Variants in FANCA observed in about 807,000 individuals in gnomAD.
FANCA encodes the protein Fanconi anemia group A protein.
A neutral mutation model predicts 194.3 loss-of-function variants in FANCA; 236 were observed. That is an observed-to-expected ratio of 1.21 (90% CI 1.09 to 1.35). The LOEUF (loss-of-function observed/expected upper bound fraction) is 1.35, where lower values mean the gene tolerates loss of function less well. FANCA is among the 40% of genes most tolerant of loss of function. The pLI is 0.00. For synonymous variants in FANCA, 1,014 were observed against 715.8 expected, an observed-to-expected ratio of 1.42 and a Z score of -6.65; for missense variants, 2,628 against 1,813.9, an observed-to-expected ratio of 1.45 and a Z score of -8.15.
In FANCA at chr16:89,738,884, C is replaced by G; in HGVS notation, c.4258G>C (p.Glu1420Gln). 6.2e-7 allele frequency: 1 copy of G among 1,614,264 alleles called. No homozygotes were observed. The highest frequency in any genetic ancestry group is 8.5e-7 in the Non-Finnish European group (1 of 1,180,054). ...CPKKSFSHVA[E>Q]LLADRGDCDP... ...CAAGGTGGGCATCTTGACGTTACCT[C>G]TGCCACGTGTGAGAAGCTCTTTTTC... The change falls in exon 42 of 43, where the codon GAG (glutamate) becomes CAG (glutamine). Residue 1420 changes from glutamate to glutamine, a missense_variant and splice_region_variant. Transcript: ENST00000389301.
chr16:89,761,979 G>A lies in FANCA; in HGVS notation c.2822C>T (p.Pro941Leu), dbSNP rs746735743. The A allele has an allele frequency of 6.2e-7, 1 of 1,614,054 alleles. No homozygotes were observed. Among genetic ancestry groups the A allele is most frequent in the South Asian group, 1.1e-5 (1 of 91,084 alleles). Residue 941 changes from proline (P) to leucine (L), a missense_variant, in exon 29 of 43, where the codon CCT becomes CTT. Transcript: ENST00000389301. ...AGTATCTGAAAGAGCATCAGCTTCA[G>A]GTTGAATTTCCAGCTCCAGGTGTAA... is the stretch of plus-strand genomic sequence containing the variant. ...DWLHLELEIQPEADALSDTER... is the reference protein window; with the variant it reads ...DWLHLELEIQLEADALSDTER...
At position 89,771,781 on chromosome 16, in the gene FANCA, C is replaced by G. The variant is rs770675462; in HGVS notation, c.2048G>C (p.Arg683Thr). The G allele has an allele frequency of 6.2e-7, 1 of 1,614,046 alleles. No individual in the cohort carries two copies. Among genetic ancestry groups the G allele is most frequent in the Non-Finnish European group, 8.5e-7 (1 of 1,180,036 alleles). ...ATTGTGGCCCAGGACAGCCCTCAGT[C>G]TTTCAGAAATCACTGCCACCTGTGC... ...ISAQVAVISE[R>T]LRAVLGHNED... Residue 683 changes from arginine to threonine, a missense_variant, in exon 23 of 43, where the codon AGA (arginine) becomes ACA (threonine). Transcript: ENST00000389301.
chr16:89,767,145 T>A lies in FANCA; in HGVS notation c.2597A>T (p.Lys866Ile), dbSNP rs1325364532. Reference sequence around the variant, plus strand: ...ATAGGAAAAGAGTGAACCTACCTTTTTAATAAGGCCTGGAGATAAGCAGCT... The same window carrying A: ...ATAGGAAAAGAGTGAACCTACCTTTATAATAAGGCCTGGAGATAAGCAGCT... ...LCSCLSPGLIKKFQFLMFRLF... is the reference protein window; with the variant it reads ...LCSCLSPGLIIKFQFLMFRLF... Residue 866 changes from lysine to isoleucine, a missense_variant, in exon 27 of 43, where the codon AAA becomes ATA. Coordinates refer to ENST00000389301, the MANE Select transcript of FANCA (RefSeq NM_000135.4). The A allele has an allele frequency of 1.2e-6, 2 of 1,609,574 alleles. No individual in the cohort carries two copies. The highest frequency in any genetic ancestry group is 2.2e-5 in the South Asian group (2 of 90,968).
intron 14 of FANCA, among the ~76,000 whole-genome samples, chr16:89,788,259 G>C (rs1016852337): frequency 6.6e-6 from 1 of 151,626 alleles, no homozygotes; most frequent in African/African-American, 2.4e-5. Context: ...TCAAGAGATC[G>C]AGACCATCCT....
intron 8 of FANCA, among the ~76,000 whole-genome samples, chr16:89,801,772 C>G (rs2040461803): frequency 1.3e-5 from 2 of 152,020 alleles, no homozygotes; most frequent in African/African-American, 2.4e-5. Flanking sequence ...CCTGTAATCC[C>G]AGCTATTCGG....
chr16:89,808,068 C>A (rs563639487), intron 6 of FANCA, among the ~76,000 whole-genome samples: 45 of 400 alleles, frequency 0.11, no homozygotes, highest in African/African-American at 0.28. Flanking sequence ...AAAAAAAAAA[C>A]AGACAAAAAG....
rs780202338 is a variant in FANCA, at chr16:89,752,212, A to T, written c.2992T>A (p.Tyr998Asn). 3 of 1,613,654 alleles carry T rather than the reference A, an allele frequency of 1.9e-6. No homozygotes were observed. The South Asian group carries it at 3.3e-5, about 18-fold the overall frequency. ...AAATCAGAATTTTCTGAGTGGTCATAACTCCTTGAGCTGAAATGAAAATAC... is the reference window on the plus strand; with the variant it reads ...AAATCAGAATTTTCTGAGTGGTCATTACTCCTTGAGCTGAAATGAAAATAC... The part of the protein sequence containing the change: ...LMDFHQSSRS[Y>N]DHSENSDLVF... The change falls in exon 31 of 43, where the codon TAT becomes AAT. Residue 998 changes from tyrosine to asparagine, a missense_variant. Tyr to Asn is a moderately radical substitution (Grantham distance 143). Transcript: ENST00000389301.
Position 89,769,985 on chromosome 16 carries a change from C to G in FANCA, c.2356G>C (p.Ala786Pro). Residue 786 changes from alanine to proline, a missense_variant, in exon 26 of 43, where the codon GCC becomes CCC. Ala to Pro is a conservative substitution (Grantham distance 27). Coordinates refer to ENST00000389301, the MANE Select transcript of FANCA (RefSeq NM_000135.4). ...GACTCACCCAGGTGCACGGCCAGGGCAGCCAACCCCAGCACATGTGGGGCA... is the reference window on the plus strand; with the variant it reads ...GACTCACCCAGGTGCACGGCCAGGGGAGCCAACCCCAGCACATGTGGGGCA... Reference protein sequence around the residue: ...LSAPHVLGLAALAVHLGESRS... With the variant: ...LSAPHVLGLAPLAVHLGESRS... The G allele has an allele frequency of 6.2e-7, 1 of 1,613,896 alleles. No individual in the cohort carries two copies.
At position 89,747,554 on chromosome 16, in the gene FANCA, C is replaced by A. The variant is rs571230370; in HGVS notation, c.3349-664G>T. Among the ~76,000 whole-genome samples, 3 of 152,078 alleles carry A rather than the reference C, an allele frequency of 2.0e-5. No individual in the cohort carries two copies. The South Asian group carries it at 6.2e-4, about 32-fold the overall frequency. The stretch of plus-strand genomic sequence containing the variant: ...TCTCTACTAAAAATACAAAACTTAG[C>A]CGGTCATGGCGGCAGGCACCTGTAG... On this transcript the variant is annotated intron_variant, in intron 33 of 42. Coordinates refer to ENST00000389301, the MANE Select transcript of FANCA (RefSeq NM_000135.4).
chr16:89,790,038 C>G (rs1472635829), intron 14 of FANCA, among the ~76,000 whole-genome samples: 1 of 152,026 alleles, frequency 6.6e-6, no homozygotes, highest in Non-Finnish European at 1.5e-5. Flanking sequence ...TGTGTGTGTT[C>G]CAAAGAAAAA....
At chr16:89,746,532 G>A (rs1042160660) in intron 35 of FANCA, 52 bp downstream of exon 35, 4 of 1,409,130 alleles carry the variant, frequency 2.8e-6, no homozygotes, top group Admixed American at 3.4e-5. Flanking sequence ...GGCAGCTGTG[G>A]AGTCTCCCAC....
intron 14 of FANCA, among the ~76,000 whole-genome samples, chr16:89,788,724 C>G (rs973841932): frequency 1.3e-5 from 2 of 151,900 alleles, no homozygotes; most frequent in African/African-American, 4.8e-5. Context: ...TGCTTGACCC[C>G]AGGAGGTAAA....
At chr16:89,753,089 G>C (rs892747335) in intron 30 of FANCA, among the ~76,000 whole-genome samples, 1 of 152,192 alleles carries the variant, frequency 6.6e-6, no homozygotes, top group African/African-American at 2.4e-5. Flanking sequence ...TAGCAAATTA[G>C]TGAAAATACT....
intron 26 of FANCA, among the ~76,000 whole-genome samples, chr16:89,769,018 G>A (rs1032735357): frequency 5.3e-5 from 8 of 152,202 alleles, no homozygotes; most frequent in African/African-American, 1.7e-4. Context: ...TGCTCCCCGA[G>A]GCCCATGTCT....
chr16:89,806,528 G>C (rs983467542), intron 6 of FANCA, among the ~76,000 whole-genome samples: 2 of 151,666 alleles, frequency 1.3e-5, no homozygotes, highest in South Asian at 4.2e-4. Flanking sequence ...CTGGGTACTT[G>C]AGATTAGGGA....
At chr16:89,797,549 C>G (rs2040291484) in intron 10 of FANCA, among the ~76,000 whole-genome samples, 1 of 152,178 alleles carries the variant, frequency 6.6e-6, no homozygotes, top group African/African-American at 2.4e-5. Flanking sequence ...GCAAGGGAAG[C>G]TGGCCACCAA....
In FANCA at chr16:89,762,033, G is replaced by C. The variant is rs185392597; in HGVS notation, c.2779-11C>G. On this transcript the variant is annotated splice_polypyrimidine_tract_variant and intron_variant, in intron 28 of 42. Transcript: ENST00000389301. The stretch of plus-strand genomic sequence containing the variant: ...GTCTTGGTAAGTTAACTGAGAAAGA[G>C]AGCAAGCAATTCAATACAATGAGGA... 24 of 1,608,680 alleles carry C rather than the reference G, an allele frequency of 1.5e-5. No homozygotes were observed. Among genetic ancestry groups the C allele is most frequent in the Middle Eastern group, 1.7e-4 (1 of 6,060 alleles).
chr16:89,771,652 GCTTTGTTCTGAGCCCCTA>G lies in FANCA; in HGVS notation c.2151+8_2151+25del. On this transcript the variant is annotated splice_region_variant and intron_variant, in intron 23 of 42. Coordinates refer to ENST00000389301, the MANE Select transcript of FANCA (RefSeq NM_000135.4). ...TAATGGAAAATGGTGAAGACCCCCT[GCTTTGTTCTGAGCCCCTA>G]CACCTACCATGTGTTCCCGTGGCTC... 1 of 1,613,642 alleles carries G rather than the reference GCTTTGTTCTGAGCCCCTA, an allele frequency of 6.2e-7. No homozygotes were observed. Among genetic ancestry groups the G allele is most frequent in the Non-Finnish European group, 8.5e-7 (1 of 1,179,668 alleles).
intron 14 of FANCA, among the ~76,000 whole-genome samples, chr16:89,786,414 C>T (rs1317150994): frequency 6.6e-6 from 1 of 152,138 alleles, no homozygotes; most frequent in East Asian, 1.9e-4. Context: ...AACTCCTGAC[C>T]TCAGGTGATA....
Sources: allele counts gnomAD v4.1 joint callset (sites outside exome capture counted in the v4.1 genomes callset), GRCh38; gene constraint gnomAD v4.1.1; transcripts MANE v1.5; gene names NCBI Gene and HGNC (gene_info 2026-07-23, HGNC 2026-07-21).